CDH12: variants seen among roughly 807,000 people sequenced by gnomAD.
CDH12 encodes cadherin-12.
In CDH12, 41 loss-of-function variants were observed where a neutral mutation model predicts 74.1. The observed-to-expected ratio is 0.55, with a 90% CI of 0.43 to 0.72. The LOEUF (loss-of-function observed/expected upper bound fraction) is 0.72, where lower values mean the gene tolerates loss of function less well. CDH12 is among the 30% of genes least tolerant of loss of function. CDH12 has a pLI of 0.00. For synonymous variants in CDH12, 399 were observed against 355.0 expected, an observed-to-expected ratio of 1.12 and a Z score of -1.39; for missense variants, 945 against 977.2, an observed-to-expected ratio of 0.97 and a Z score of 0.44.
At chr5:22,302,107 C>T (rs1737910766) in intron 3 of CDH12, among the ~76,000 whole-genome samples, 1 of 151,904 alleles carries the variant, frequency 6.6e-6, no homozygotes, top group Admixed American at 6.6e-5. Context: ...ATATATTACA[C>T]ATAAATATTG....
At position 22,603,221 on chromosome 5, in the gene CDH12, C is replaced by G. The variant is rs1736932502; in HGVS notation, c.-522-97857G>C. 2.6e-5 allele frequency among the ~76,000 whole-genome samples: 4 copies of G among 151,576 alleles called. No homozygotes were observed. In the South Asian group the frequency reaches 8.3e-4, roughly 32 times the overall value. ...TAGAAAAAGATGTGGATGGGGTAAT[C>G]AACAAAACAGCAACTATTGAAAAAA... On this transcript the variant is annotated intron_variant, in intron 1 of 14. Transcript: ENST00000382254.
At chr5:21,956,267 A>C (rs1756091787) in intron 6 of CDH12, among the ~76,000 whole-genome samples, 1 of 152,050 alleles carries the variant, frequency 6.6e-6, no homozygotes, top group Non-Finnish European at 1.5e-5. Flanking sequence ...TGGAGATGTA[A>C]AAAATGAAAA....
intron 4 of CDH12, among the ~76,000 whole-genome samples, chr5:22,127,816 T>C (rs1745971085): frequency 6.6e-6 from 1 of 152,178 alleles, no homozygotes; most frequent in Non-Finnish European, 1.5e-5. Context: ...TACTGGACTC[T>C]CTGGAAGCAG....
At chr5:22,456,453 A>T (rs1454129902) in intron 2 of CDH12, among the ~76,000 whole-genome samples, 1 of 152,214 alleles carries the variant, frequency 6.6e-6, no homozygotes, top group East Asian at 1.9e-4. Flanking sequence ...AGTATATTAA[A>T]CACATATTTA....
At chr5:22,510,890 T>C (rs1205503553) in intron 1 of CDH12, among the ~76,000 whole-genome samples, 1 of 150,426 alleles carries the variant, frequency 6.6e-6, no homozygotes, top group South Asian at 2.1e-4. Context: ...CAAGAACATA[T>C]ATAATTTTTT....
chr5:22,611,737 T>C (rs1158678710), intron 1 of CDH12, among the ~76,000 whole-genome samples: 13 of 152,250 alleles, frequency 8.5e-5, no homozygotes, highest in African/African-American at 2.6e-4. Flanking sequence ...CCTGCTCCTA[T>C]GTCCTGTTGG....
rs1321169810 is a variant in CDH12, at chr5:22,028,499, C to T, written c.231+49947G>A. Among the ~76,000 whole-genome samples, 5 of 152,302 alleles carry T rather than the reference C, an allele frequency of 3.3e-5. No individual in the cohort carries two copies. In the South Asian group the frequency reaches 8.3e-4, roughly 25 times the overall value. On this transcript the variant is annotated intron_variant, in intron 5 of 14. Transcript: ENST00000382254. ...AACAGAGAGCCAAATCGTGAGTGAACTCCCATTCACAATTGCTTCAAAGAG... is the reference window on the plus strand; with the variant it reads ...AACAGAGAGCCAAATCGTGAGTGAATTCCCATTCACAATTGCTTCAAAGAG...
At chr5:21,862,048 G>A (rs1367348183) in intron 6 of CDH12, among the ~76,000 whole-genome samples, 1 of 151,682 alleles carries the variant, frequency 6.6e-6, no homozygotes, top group Non-Finnish European at 1.5e-5. Context: ...ATTTTAAATG[G>A]TTTTCTTTCG....
intron 5 of CDH12, among the ~76,000 whole-genome samples, chr5:21,978,497 A>G (rs1447034010): frequency 1.3e-5 from 2 of 152,138 alleles, no homozygotes; most frequent in Non-Finnish European, 2.9e-5. Flanking sequence ...TGAAAGGGTA[A>G]ATATATATAA....
At chr5:22,135,354 A>G (rs1746401289) in intron 4 of CDH12, among the ~76,000 whole-genome samples, 1 of 151,932 alleles carries the variant, frequency 6.6e-6, no homozygotes, top group South Asian at 2.1e-4. Context: ...TTTCCTTAAC[A>G]TTTTAAAACC....
intron 5 of CDH12, among the ~76,000 whole-genome samples, chr5:22,005,424 G>A (rs951042332): frequency 2.6e-5 from 4 of 152,222 alleles, no homozygotes; most frequent in Non-Finnish European, 5.9e-5. Context: ...ATTATGAATA[G>A]TGCTGCAATA....
intron 2 of CDH12, among the ~76,000 whole-genome samples, chr5:22,468,290 T>C (rs1287611887): frequency 1.3e-5 from 2 of 152,196 alleles, no homozygotes; most frequent in East Asian, 3.8e-4. Flanking sequence ...CATACATGAC[T>C]CTCCAACATA....
intron 1 of CDH12, among the ~76,000 whole-genome samples, chr5:22,846,450 T>A (rs1346569703): frequency 2.0e-5 from 3 of 152,112 alleles, no homozygotes; most frequent in Non-Finnish European, 1.5e-5. Flanking sequence ...CCTGGGATGC[T>A]CTGATAGATG....
chr5:21,854,729 G>T lies in CDH12; in HGVS notation c.588C>A (p.Ala196=). 1 of 1,608,620 alleles carries T rather than the reference G, an allele frequency of 6.2e-7. No homozygotes were observed. The highest frequency in any genetic ancestry group is 8.5e-7 in the Non-Finnish European group (1 of 1,176,118). Residue 196 remains alanine (A), a synonymous_variant, in exon 7 of 15, where the codon GCC becomes GCA. Coordinates refer to ENST00000382254, the MANE Select transcript of CDH12 (RefSeq NM_004061.5). Reference sequence around the variant, plus strand: ...CCTGAAGAATGCTGTAAACGACTCTGGCACTGTTTCCATAGGTCGGGTCAT... The same window carrying T: ...CCTGAAGAATGCTGTAAACGACTCTTGCACTGTTTCCATAGGTCGGGTCAT... ...DADDPTYGNS[A]RVVYSILQGQ... is the part of the protein sequence containing the mutation.
chr5:22,808,471 T>C (rs1222412872), intron 1 of CDH12, among the ~76,000 whole-genome samples: 2 of 152,178 alleles, frequency 1.3e-5, no homozygotes, highest in East Asian at 3.9e-4. Context: ...ATGGACGTAC[T>C]GTAAAACCAA....
At chr5:22,162,660 TAA>T (rs1250471370) in intron 4 of CDH12, among the ~76,000 whole-genome samples, 1 of 152,118 alleles carries the variant, frequency 6.6e-6, no homozygotes, top group East Asian at 1.9e-4. Flanking sequence ...ATGCATATAT[TAA>T]GTTTATTTGT....
chr5:21,887,247 T>C (rs1015309320), intron 6 of CDH12, among the ~76,000 whole-genome samples: 2 of 152,190 alleles, frequency 1.3e-5, no homozygotes, highest in Admixed American at 1.3e-4. Flanking sequence ...CTTTCACTCC[T>C]TGCTGATATT....
chr5:21,880,572 T>C (rs7734603), intron 6 of CDH12, among the ~76,000 whole-genome samples: 2,259 of 12,744 alleles, frequency 0.18, 488 homozygotes, highest in South Asian at 0.26. Flanking sequence ...CCCTTCTTTC[T>C]TTCCTTCCTT....
chr5:22,342,419 G>T (rs1739893411), intron 3 of CDH12, among the ~76,000 whole-genome samples: 1 of 152,070 alleles, frequency 6.6e-6, no homozygotes, highest in South Asian at 2.1e-4. Context: ...GAACATAAGG[G>T]CTTGAACAAG....
Sources: allele counts gnomAD v4.1 joint callset (sites outside exome capture counted in the v4.1 genomes callset), GRCh38; gene constraint gnomAD v4.1.1; transcripts MANE v1.5; gene names NCBI Gene and HGNC (gene_info 2026-07-23, HGNC 2026-07-21).